The following LGALS13 variants were observed in gnomAD, a reference collection of about 807,000 sequenced individuals.
LGALS13 encodes the protein galactoside-binding soluble lectin 13.
In LGALS13, 11 loss-of-function variants were observed where a neutral mutation model predicts 13.2. The ratio of observed to expected loss-of-function variants is 0.83; its 90% CI spans 0.52 to 1.38. The LOEUF is 1.38. Ranked by LOEUF, LGALS13 falls within the 40% of genes most tolerant of loss-of-function variation. The pLI is 0.00. For synonymous variants in LGALS13, 71 were observed against 63.7 expected (o/e 1.11, Z -0.54); for missense variants, 183 against 174.3 (o/e 1.05, Z -0.28).
chr19:39,605,305 T>C lies in LGALS13; in HGVS notation c.220T>C (p.Leu74=), dbSNP rs1272400617. 1.9e-6 allele frequency: 3 copies of C among 1,611,090 alleles called. No individual in the cohort carries two copies. Among genetic ancestry groups the C allele is most frequent in the Non-Finnish European group, 2.5e-6 (3 of 1,179,994 alleles). ...CAGGCGTGAGTTTGGGATATGGATG[T>C]TGGAGGAGACAACAGACTACGTGCC... ...MNRREFGIWM[L]EETTDYVPFE... Residue 74 remains leucine (L), a synonymous_variant, in exon 3 of 4, where the codon TTG becomes CTG. Coordinates refer to ENST00000221797, the MANE Select transcript of LGALS13 (RefSeq NM_013268.3).
chr19:39,603,267 G>A (rs1201234095), intron 1 of LGALS13, among the ~76,000 whole-genome samples: 1 of 151,976 alleles, frequency 6.6e-6, no homozygotes, highest in African/African-American at 2.4e-5. Context: ...GAAGAGGAAT[G>A]CAGACTATGG....
At chr19:39,606,788 T>C (rs1019974490) in intron 3 of LGALS13, among the ~76,000 whole-genome samples, 1 of 152,218 alleles carries the variant, frequency 6.6e-6, no homozygotes, top group African/African-American at 2.4e-5. Context: ...TGTAGGTTAC[T>C]CCAAAGAGAA....
rs1470028826 is a variant in LGALS13, at chr19:39,604,818, C to G, written c.92+140C>G. On this transcript the variant is annotated intron_variant, in intron 2 of 3. Transcript: ENST00000221797. The stretch of plus-strand genomic sequence containing the variant: ...TGCAGGTGCAGGTCTTGGAGACCCT[C>G]CAGCACCAGGCATGAGACCCACAGC... The G allele has an allele frequency of 3.9e-6, 4 of 1,020,422 alleles. No homozygotes were observed. In the South Asian group the frequency reaches 5.2e-5, roughly 13 times the overall value. The allele number at this position is 1,020,422 out of a possible 1,614,324, so 63.2% of individuals were successfully genotyped here.
chr19:39,606,736 A>G (rs1972695090), intron 3 of LGALS13, among the ~76,000 whole-genome samples: 1 of 152,190 alleles, frequency 6.6e-6, no homozygotes, highest in Non-Finnish European at 1.5e-5. Context: ...CTTTCATTCT[A>G]TAAGAACCCT....
chr19:39,604,539 T>TG, intron 1 of LGALS13, 63 bp from the exon 2 acceptor site: 1 of 1,570,518 alleles, frequency 6.4e-7, no homozygotes, highest in Non-Finnish European at 8.8e-7. Context: ...CATGAGAATA[T>TG]GTTACAGGAG....
Position 39,605,322 on chromosome 19 carries a change from C to G in LGALS13, c.237C>G (p.Asp79Glu). 1 of 1,614,200 alleles carries G rather than the reference C, an allele frequency of 6.2e-7. No homozygotes were observed. Among genetic ancestry groups the G allele is most frequent in the Non-Finnish European group, 8.5e-7 (1 of 1,180,024 alleles). Residue 79 changes from aspartate to glutamate, a missense_variant, in exon 3 of 4, where the codon GAC becomes GAG. Physicochemically the swap from Asp to Glu is conservative, Grantham distance 45. Transcript: ENST00000221797. ...TATGGATGTTGGAGGAGACAACAGA[C>G]TACGTGCCCTTTGAGGATGGCAAAC... Reference protein sequence around the residue: ...FGIWMLEETTDYVPFEDGKQF... With the variant: ...FGIWMLEETTEYVPFEDGKQF...
At chr19:39,605,909 T>A (rs531704386) in intron 3 of LGALS13, among the ~76,000 whole-genome samples, 63 of 152,292 alleles carry the variant, frequency 4.1e-4, no homozygotes, top group Admixed American at 9.8e-4. Flanking sequence ...TGCAGTGGCA[T>A]GATATCAGCT....
intron 2 of LGALS13, 70 bp from the exon 3 acceptor site, chr19:39,605,108 T>G (rs1427150677): frequency 4.0e-6 from 5 of 1,259,774 alleles, no homozygotes; most frequent in Non-Finnish European, 5.8e-6. Flanking sequence ...GGAAGGGATT[T>G]GTGTGTGTGT....
chr19:39,603,295 G>C (rs746750286), intron 1 of LGALS13, among the ~76,000 whole-genome samples: 1 of 152,000 alleles, frequency 6.6e-6, no homozygotes, highest in African/African-American at 2.4e-5. Context: ...GGTTCCTCAG[G>C]TGGGGTCTGC....
chr19:39,605,971 CA>C (rs2144830709), intron 3 of LGALS13, among the ~76,000 whole-genome samples: 1 of 152,292 alleles, frequency 6.6e-6, no homozygotes, highest in Non-Finnish European at 1.5e-5. Context: ...CTCAGCCTCC[CA>C]AGTAGCTGGG....
rs200763723 is a variant in LGALS13 at position 39,605,234 on chromosome 19, T to C, written c.149T>C (p.Ile50Thr). ...ACTGACATGGATGAGGATTCAGATA[T>C]TGCCTTCCGTTTCCGAGTGCACTTT... ...FYTDMDEDSD[I>T]AFRFRVHFGN... Residue 50 changes from isoleucine (I) to threonine (T), a missense_variant, in exon 3 of 4, where the codon ATT becomes ACT. Coordinates refer to ENST00000221797, the MANE Select transcript of LGALS13 (RefSeq NM_013268.3). The C allele has an allele frequency of 4.3e-6, 7 of 1,614,228 alleles. No individual in the cohort carries two copies. The African/African-American group carries it at 6.7e-5, about 15-fold the overall frequency.
chr19:39,604,010 A>T, intron 1 of LGALS13: 1 of 983,620 alleles, frequency 1.0e-6, no homozygotes, highest in Non-Finnish European at 1.2e-6. Flanking sequence ...ATGGCCCTTG[A>T]TGATAGTGAT....
chr19:39,607,440 C>A lies in LGALS13; in HGVS notation c.*101C>A. On this transcript the variant is annotated 3_prime_UTR_variant, in exon 4 of 4. Transcript: ENST00000221797. ...AGAATAATCCCTGCTCACATTTTCC[C>A]CTACACTTTGTCATTAAAACAGCAC... 1.2e-6 allele frequency: 1 copy of A among 825,472 alleles called. No homozygotes were observed. Among genetic ancestry groups the A allele is most frequent in the Non-Finnish European group, 2.1e-6 (1 of 474,712 alleles). 51.1% of individuals were successfully genotyped at this position (825,472 alleles called of 1,614,324 possible).
intron 1 of LGALS13, among the ~76,000 whole-genome samples, chr19:39,603,113 C>T (rs557048697): frequency 6.6e-6 from 1 of 152,256 alleles, no homozygotes; most frequent in East Asian, 1.9e-4. Context: ...ATGTTTCTCC[C>T]CACACAGCAG....
chr19:39,605,172 C>T lies in LGALS13; in HGVS notation c.93-6C>T, dbSNP rs372463847. On this transcript the variant is annotated splice_polypyrimidine_tract_variant and splice_region_variant and intron_variant, in intron 2 of 3. Transcript: ENST00000221797. The stretch of plus-strand genomic sequence containing the variant: ...CTGCCCAACATTCTGCGTGCTTCAC[C>T]CTCAGCAATGACCCACAGCTGCAGG... 1.4e-5 allele frequency: 23 copies of T among 1,613,260 alleles called. No individual in the cohort carries two copies. Among genetic ancestry groups the T allele is most frequent in the Non-Finnish European group, 1.9e-5 (22 of 1,179,356 alleles).
At chr19:39,606,711 A>G (rs908211670) in intron 3 of LGALS13, among the ~76,000 whole-genome samples, 3 of 152,204 alleles carry the variant, frequency 2.0e-5, no homozygotes, top group Non-Finnish European at 4.4e-5. Flanking sequence ...ATCCTGTTTC[A>G]CAAGAACAGT....
chr19:39,604,804 G>A (rs1600799381), intron 2 of LGALS13, 126 bp downstream of exon 2: 1 of 1,167,750 alleles, frequency 8.6e-7, no homozygotes, highest in Non-Finnish European at 1.3e-6. Flanking sequence ...GCAGGTGCAG[G>A]TCTTGGAGAC....
rs769612129 is a variant in LGALS13 at position 39,605,191 on chromosome 19, C to A, written c.106C>A (p.Leu36Met). The A allele has an allele frequency of 6.2e-7, 1 of 1,614,126 alleles. No homozygotes were observed. Among genetic ancestry groups the A allele is most frequent in the South Asian group, 1.1e-5 (1 of 91,078 alleles). Residue 36 changes from leucine (L) to methionine (M), a missense_variant, in exon 3 of 4, where the codon CTG becomes ATG. By Grantham distance (15) the Leu-to-Met change is conservative. Transcript: ENST00000221797. ...CTTCACCCTCAGCAATGACCCACAG[C>A]TGCAGGTGGATTTCTACACTGACAT... ...PIHSFINDPQ[L>M]QVDFYTDMDE...
chr19:39,606,035 C>T (rs1161185264), intron 3 of LGALS13, among the ~76,000 whole-genome samples: 4 of 152,080 alleles, frequency 2.6e-5, no homozygotes, highest in South Asian at 2.1e-4. Flanking sequence ...TTAGGGGAGA[C>T]GGGGGTTCAC....
Sources: allele counts gnomAD v4.1 joint callset (sites outside exome capture counted in the v4.1 genomes callset), GRCh38; gene constraint gnomAD v4.1.1; transcripts MANE v1.5; gene names NCBI Gene and HGNC (gene_info 2026-07-23, HGNC 2026-07-21).